The following NOS1AP variants were observed in gnomAD, a reference collection of about 807,000 sequenced individuals.
NOS1AP encodes nitric oxide synthase 1 adaptor protein, also known as carboxyl-terminal PDZ ligand of neuronal nitric oxide synthase protein.
In NOS1AP, 21 loss-of-function variants were observed where a neutral mutation model predicts 56.2. That is an observed-to-expected ratio of 0.37 (90% confidence interval 0.26 to 0.54). The LOEUF is 0.54. Among genes scored for constraint, NOS1AP ranks in the 20% least tolerant of loss-of-function variants. The pLI is 0.84. For synonymous variants in NOS1AP, 270 were observed against 274.6 expected (o/e 0.98, Z 0.17); for missense variants, 522 against 657.8 (o/e 0.79, Z 2.26).
At chr1:162,234,636 C>T (rs1356187628) in intron 2 of NOS1AP, among the ~76,000 whole-genome samples, 1 of 152,152 alleles carries the variant, frequency 6.6e-6, no homozygotes, top group African/African-American at 2.4e-5. Flanking sequence ...CTCACTCCCT[C>T]CTTAAAATTC....
At chr1:162,102,932 T>C (rs536435470) in intron 1 of NOS1AP, among the ~76,000 whole-genome samples, 1 of 152,318 alleles carries the variant, frequency 6.6e-6, no homozygotes, top group South Asian at 2.1e-4. Flanking sequence ...TCTATCTTCT[T>C]TGGTTCTGCT....
chr1:162,275,364 GA>G (rs969547764), intron 2 of NOS1AP, among the ~76,000 whole-genome samples: 25 of 152,204 alleles, frequency 1.6e-4, no homozygotes, highest in African/African-American at 6.0e-4. Flanking sequence ...TTTTAATAGA[GA>G]TGGGGTTTCA....
At position 162,162,369 on chromosome 1, in the gene NOS1AP, A is replaced by G. The variant is rs1650261654; in HGVS notation, c.177+7893A>G. ...AGAGACGAAAGTAGCAGAAAAATGG[A>G]GTTAGTGCATGGTGCACGGTACTGA... On this transcript the variant is annotated intron_variant, in intron 2 of 9. Coordinates refer to ENST00000361897, the MANE Select transcript of NOS1AP (RefSeq NM_014697.3). Among the ~76,000 whole-genome samples the G allele has an allele frequency of 2.0e-5, 3 of 152,236 alleles. No individual in the cohort carries two copies. The South Asian group carries it at 6.2e-4, about 32-fold the overall frequency.
intron 1 of NOS1AP, among the ~76,000 whole-genome samples, chr1:162,114,617 T>G (rs1392351979): frequency 6.6e-6 from 1 of 152,222 alleles, no homozygotes; most frequent in Non-Finnish European, 1.5e-5. Context: ...TCTGTCCTCT[T>G]TGAAAATTAA....
chr1:162,357,268 G>A (rs1657737056), intron 8 of NOS1AP, 132 bp downstream of exon 8: 1 of 1,484,726 alleles, frequency 6.7e-7, no homozygotes. Flanking sequence ...TTGGATCATT[G>A]CTTGTTGGGG....
At chr1:162,085,607 C>T (rs1269856152) in intron 1 of NOS1AP, among the ~76,000 whole-genome samples, 3 of 152,094 alleles carry the variant, frequency 2.0e-5, no homozygotes, top group Non-Finnish European at 2.9e-5. Context: ...TAGCCCTTTC[C>T]GAGTCTGACT....
At chr1:162,172,481 G>A (rs1000283146) in intron 2 of NOS1AP, among the ~76,000 whole-genome samples, 1 of 152,174 alleles carries the variant, frequency 6.6e-6, no homozygotes, top group African/African-American at 2.4e-5. Context: ...TGATGGCTTT[G>A]CTATTGAAAC....
At chr1:162,171,266 C>G (rs929100386) in intron 2 of NOS1AP, among the ~76,000 whole-genome samples, 1 of 152,200 alleles carries the variant, frequency 6.6e-6, no homozygotes, top group Non-Finnish European at 1.5e-5. Flanking sequence ...GTGGCTTGCT[C>G]TGGATCCCAC....
intron 2 of NOS1AP, among the ~76,000 whole-genome samples, chr1:162,246,957 T>G (rs919672315): frequency 6.6e-6 from 1 of 152,168 alleles, no homozygotes; most frequent in African/African-American, 2.4e-5. Flanking sequence ...TTGGAAGTCA[T>G]TTTGTGGGAA....
chr1:162,308,604 C>T (rs780737449), intron 4 of NOS1AP, among the ~76,000 whole-genome samples: 8 of 152,170 alleles, frequency 5.3e-5, no homozygotes, highest in Non-Finnish European at 7.4e-5. Flanking sequence ...GTGTAGCAGT[C>T]GGACCAAGGG....
rs1658167996 is a variant in NOS1AP, at chr1:162,368,437, GC to G, written c.*971del. Reference sequence around the variant, plus strand: ...TGGGCAGTGGTGGTCAGTTTTTACTGCAAAAAAAAAAAAAGAAAAAAGAGAA... The same window carrying G: ...TGGGCAGTGGTGGTCAGTTTTTACTGAAAAAAAAAAAAAGAAAAAAGAGAA... On this transcript the variant is annotated 3_prime_UTR_variant, in exon 10 of 10. Coordinates refer to ENST00000361897, the MANE Select transcript of NOS1AP (RefSeq NM_014697.3). 1 of 10,016 alleles carries G rather than the reference GC, an allele frequency of 1.0e-4. No individual in the cohort carries two copies. 0.6% of individuals were successfully genotyped at this position (10,016 alleles called of 1,614,324 possible). A position where few individuals can be genotyped will look rare whatever the true frequency, so the allele number is the denominator to read the frequency against.
intron 4 of NOS1AP, among the ~76,000 whole-genome samples, chr1:162,304,476 A>C (rs1165058989): frequency 6.6e-6 from 1 of 151,884 alleles, no homozygotes; most frequent in Non-Finnish European, 1.5e-5. Flanking sequence ...TTTTTATTCA[A>C]TTAGTATTAG....
chr1:162,208,281 G>A (rs1652231635), intron 2 of NOS1AP, among the ~76,000 whole-genome samples: 1 of 152,176 alleles, frequency 6.6e-6, no homozygotes, highest in Admixed American at 6.5e-5. Flanking sequence ...GAATCTTGAA[G>A]CACTTACACA....
intron 2 of NOS1AP, among the ~76,000 whole-genome samples, chr1:162,186,720 C>G (rs1651446489): frequency 6.6e-6 from 1 of 152,160 alleles, no homozygotes; most frequent in Non-Finnish European, 1.5e-5. Flanking sequence ...GAAGCAGGCC[C>G]TCACCAGACA....
At chr1:162,241,118 C>T (rs751509253) in intron 2 of NOS1AP, among the ~76,000 whole-genome samples, 6 of 152,098 alleles carry the variant, frequency 3.9e-5, no homozygotes, top group South Asian at 2.1e-4. Context: ...TGGAAAGGCA[C>T]CTACTCTGGA....
intron 2 of NOS1AP, among the ~76,000 whole-genome samples, chr1:162,243,209 G>T (rs4656361): frequency 2.0e-5 from 3 of 151,956 alleles, no homozygotes; most frequent in Admixed American, 6.6e-5. Context: ...AGGGGACAAG[G>T]GGGTGTTAGA....
chr1:162,210,462 A>G (rs898202602), intron 2 of NOS1AP, among the ~76,000 whole-genome samples: 2 of 152,164 alleles, frequency 1.3e-5, no homozygotes, highest in Non-Finnish European at 2.9e-5. Context: ...GTGACTGAGA[A>G]CCAGAATTAA....
intron 2 of NOS1AP, among the ~76,000 whole-genome samples, chr1:162,192,995 A>G (rs1651692320): frequency 6.6e-6 from 1 of 152,094 alleles, no homozygotes; most frequent in African/African-American, 2.4e-5. Context: ...GAGTGTGCCC[A>G]TGTGCCAGGA....
intron 2 of NOS1AP, among the ~76,000 whole-genome samples, chr1:162,160,542 C>T (rs561953771): frequency 6.6e-6 from 1 of 152,208 alleles, no homozygotes; most frequent in Admixed American, 6.5e-5. Flanking sequence ...TTTCCTTACC[C>T]ACCAGCAGTA....
Sources: gnomAD v4.1 joint callset for allele counts (sites outside exome capture counted in the v4.1 genomes callset) on GRCh38, gnomAD v4.1.1 for gene constraint, MANE v1.5 for transcripts, NCBI Gene and HGNC (gene_info 2026-07-23, HGNC 2026-07-21) for gene names.